The following CCL26 variants were observed in gnomAD, a reference collection of about 807,000 sequenced individuals.
CCL26 encodes C-C motif chemokine ligand 26.
In CCL26, 10 loss-of-function variants were observed where a neutral mutation model predicts 10.7. The ratio of observed to expected loss-of-function variants is 0.93; its 90% CI spans 0.57 to 1.58. CCL26 has a LOEUF of 1.58. Ranked by LOEUF, CCL26 falls within the 40% of genes most tolerant of loss-of-function variation. The pLI is 0.00. For synonymous variants in CCL26, 43 were observed against 41.4 expected (o/e 1.04, Z -0.15); for missense variants, 116 against 111.0 (o/e 1.05, Z -0.20).
intron 1 of CCL26, among the ~76,000 whole-genome samples, chr7:75,784,057 T>G (rs1010964087): frequency 6.6e-6 from 1 of 152,186 alleles, no homozygotes; most frequent in Non-Finnish European, 1.5e-5. Context: ...GGAAGCCAAG[T>G]AGCAATGTAT....
At chr7:75,777,883 G>T (rs1167789292) in intron 1 of CCL26, among the ~76,000 whole-genome samples, 1 of 149,836 alleles carries the variant, frequency 6.7e-6, no homozygotes, top group African/African-American at 2.5e-5. Flanking sequence ...GCAGTGGCAC[G>T]ATCTTGGCTC....
chr7:75,784,160 C>T (rs112768886), intron 1 of CCL26, among the ~76,000 whole-genome samples: 43,215 of 152,098 alleles, frequency 0.28, 6,669 homozygotes, highest in African/African-American at 0.39. Flanking sequence ...CCGCAGCTGC[C>T]AGGGGTTCCT....
chr7:75,770,553 G>A (rs997976135), intron 2 of CCL26, among the ~76,000 whole-genome samples: 6 of 151,046 alleles, frequency 4.0e-5, no homozygotes, highest in Non-Finnish European at 8.8e-5. Flanking sequence ...AGCTAATTTT[G>A]TATTTTTAGT....
At position 75,770,112 on chromosome 7, in the gene CCL26, C is replaced by T. The variant is rs573134471; in HGVS notation, c.189-323G>A. Reference sequence around the variant, plus strand: ...TGAGACGAACTCTCACTCTGTTGCCCACATTGGAGTGCAATGGCATGATCT... The same window carrying T: ...TGAGACGAACTCTCACTCTGTTGCCTACATTGGAGTGCAATGGCATGATCT... On this transcript the variant is annotated intron_variant, in intron 2 of 2. Transcript: ENST00000005180. Among the ~76,000 whole-genome samples the T allele has an allele frequency of 6.6e-5, 10 of 151,548 alleles. No homozygotes were observed. In the East Asian group the frequency reaches 1.9e-3, roughly 29 times the overall value.
At chr7:75,787,705 TA>T (rs56291244) in intron 1 of CCL26, among the ~76,000 whole-genome samples, 70,716 of 125,772 alleles carry the variant, frequency 0.56, 18,545 homozygotes, top group African/African-American at 0.63. Flanking sequence ...CCTCTCAACT[TA>T]AAAAAAAAAA....
chr7:75,776,577 G>C, upstream of CCL26, among the ~76,000 whole-genome samples: 1 of 93,592 alleles, frequency 1.1e-5, no homozygotes, highest in African/African-American at 3.8e-5. Context: ...AGGAAGGAAG[G>C]AAGGAAGAAG....
chr7:75,773,249 C>A (rs978371792), upstream of CCL26, among the ~76,000 whole-genome samples: 8 of 151,960 alleles, frequency 5.3e-5, no homozygotes, highest in Non-Finnish European at 1.0e-4. Flanking sequence ...CATGGTGAAA[C>A]CCCGTCCCCA....
chr7:75,774,307 G>C (rs991602024), upstream of CCL26, among the ~76,000 whole-genome samples: 3 of 152,048 alleles, frequency 2.0e-5, no homozygotes, highest in Non-Finnish European at 4.4e-5. Flanking sequence ...GCGCCATCAC[G>C]CCCGGCTAAT....
At position 75,787,112 on chromosome 7, in the gene CCL26, G is replaced by A. The variant is rs150122056; in HGVS notation, c.-79+2605C>T. On this transcript the variant is annotated intron_variant, in intron 1 of 3. Transcript: ENST00000394905. ...TTGGTCTGGGTAGACACTTTCACTG[G>A]ATGGGTAGAGGCCTTTCCCACAGGG... Among the ~76,000 whole-genome samples, 1,073 of 152,242 alleles carry A rather than the reference G, an allele frequency of 7.0e-3. 13 individuals are homozygous for A. Among genetic ancestry groups the A allele is most frequent in the African/African-American group, 0.024 (1,012 of 41,550 alleles).
At chr7:75,790,256 T>C, upstream of CCL26, among the ~76,000 whole-genome samples, 1 of 136,992 alleles carries the variant, frequency 7.3e-6, no homozygotes. Flanking sequence ...CCTCCCTCCC[T>C]CCCTCCATAC....
upstream of CCL26, among the ~76,000 whole-genome samples, chr7:75,775,630 C>A (rs1222778810): frequency 2.6e-5 from 4 of 152,040 alleles, no homozygotes; most frequent in Non-Finnish European, 5.9e-5. Flanking sequence ...TGGTTGAGGG[C>A]TGCACCCTAC....
chr7:75,774,919 C>T (rs1462908420), upstream of CCL26, among the ~76,000 whole-genome samples: 1 of 151,912 alleles, frequency 6.6e-6, no homozygotes, highest in Admixed American at 6.6e-5. Flanking sequence ...GACTCTGTCT[C>T]TTTAAAAAAA....
At chr7:75,771,711 C>T (rs549237907) in intron 2 of CCL26, among the ~76,000 whole-genome samples, 178 bp downstream of exon 2, 6 of 152,158 alleles carry the variant, frequency 3.9e-5, no homozygotes, top group Non-Finnish European at 5.9e-5. Flanking sequence ...AAAGAAACTC[C>T]GTCTCAAAAA....
chr7:75,776,564 GGAAGGAAGGAAGGAAGGAA>G (rs1366348961), upstream of CCL26, among the ~76,000 whole-genome samples: 1 of 146,508 alleles, frequency 6.8e-6, no homozygotes, highest in Admixed American at 6.8e-5. Context: ...AAGGAAGGAA[GGAAGGAAGGAAGGAAGGAA>G]GAAGGAAAGC....
In CCL26 at chr7:75,769,611, C is replaced by G; in HGVS notation, c.*82G>C. 2 of 877,452 alleles carry G rather than the reference C, an allele frequency of 2.3e-6. No homozygotes were observed. The highest frequency in any genetic ancestry group is 3.8e-6 in the Non-Finnish European group (2 of 527,072). The allele number at this position is 877,452 out of a possible 1,614,324, so 54.4% of individuals were successfully genotyped here. A position where few individuals can be genotyped will look rare whatever the true frequency, so the allele number is the denominator to read the frequency against. ...CTCCCCAGCGGGTCCATGTAGCCTTCAGAAAAGATTCCGCAGGCTCCCCAG... is the reference window on the plus strand; with the variant it reads ...CTCCCCAGCGGGTCCATGTAGCCTTGAGAAAAGATTCCGCAGGCTCCCCAG... On this transcript the variant is annotated 3_prime_UTR_variant, in exon 3 of 3. Transcript: ENST00000005180.
chr7:75,787,370 C>T (rs782667425), intron 1 of CCL26, among the ~76,000 whole-genome samples: 4 of 152,046 alleles, frequency 2.6e-5, no homozygotes, highest in Non-Finnish European at 5.9e-5. Flanking sequence ...ACCAGCCGGG[C>T]ACAGTGGCTC....
intron 1 of CCL26, among the ~76,000 whole-genome samples, chr7:75,778,946 T>TC (rs1191096670): frequency 6.6e-6 from 1 of 152,046 alleles, no homozygotes; most frequent in Non-Finnish European, 1.5e-5. Flanking sequence ...AGCCATCATA[T>TC]CCCCAGTGAC....
At chr7:75,787,651 C>CAAAAAAAAAAAAAAAAAAAA (rs55770109) in intron 1 of CCL26, among the ~76,000 whole-genome samples, 2 of 27,746 alleles carry the variant, frequency 7.2e-5, no homozygotes, top group Non-Finnish European at 1.2e-4. Flanking sequence ...TCTCCAAAAG[C>CAAAAAAAAAAAAAAAAAAAA]AAAAAAAAAA....
intron 1 of CCL26, among the ~76,000 whole-genome samples, chr7:75,780,557 A>T (rs1028395764): frequency 6.6e-6 from 1 of 152,178 alleles, no homozygotes; most frequent in Non-Finnish European, 1.5e-5. Context: ...CGATTTTTCC[A>T]TCCTTCAAGA....
Sources: allele counts gnomAD v4.1 joint callset (sites outside exome capture counted in the v4.1 genomes callset), GRCh38; gene constraint gnomAD v4.1.1; transcripts MANE v1.5; gene names NCBI Gene and HGNC (gene_info 2026-07-23, HGNC 2026-07-21).